CSMD1: variants seen among roughly 807,000 people sequenced by gnomAD.
CSMD1 encodes CUB and sushi domain-containing protein 1.
In CSMD1, 213 loss-of-function variants were observed where a neutral mutation model predicts 417.5. The observed-to-expected ratio is 0.51, with a 90% confidence interval of 0.46 to 0.57. The LOEUF is 0.57. CSMD1 is among the 20% of genes least tolerant of loss of function. The probability of loss-of-function intolerance (pLI) is 0.00; values close to 1 mark genes in which losing one functional copy is unlikely to be tolerated. For missense variants in CSMD1, 6,923 were observed against 4,529.7 expected (o/e 1.53, Z -15.17); for synonymous variants, 2,862 against 1,736.8 (o/e 1.65, Z -16.11).
chr8:4,168,573 T>C (rs551468032), intron 3 of CSMD1, among the ~76,000 whole-genome samples: 8 of 152,034 alleles, frequency 5.3e-5, no homozygotes, highest in Admixed American at 1.3e-4. Context: ...AGAAGGACAA[T>C]AGACGGGCTT....
intron 3 of CSMD1, among the ~76,000 whole-genome samples, chr8:4,223,546 G>C (rs531382067): frequency 2.0e-5 from 3 of 152,346 alleles, no homozygotes; most frequent in South Asian, 4.1e-4. Context: ...ACCACCAGGA[G>C]AGCTGGCCTG....
chr8:4,447,141 G>C (rs1050450819), intron 2 of CSMD1, among the ~76,000 whole-genome samples: 26 of 152,086 alleles, frequency 1.7e-4, no homozygotes, highest in African/African-American at 4.3e-4. Flanking sequence ...GAATGTTAAA[G>C]ACAAACAACA....
chr8:4,421,412 C>A (rs1797242539), intron 2 of CSMD1, among the ~76,000 whole-genome samples: 1 of 151,900 alleles, frequency 6.6e-6, no homozygotes, highest in Non-Finnish European at 1.5e-5. Flanking sequence ...GAACATATAC[C>A]AAGATAAACC....
intron 2 of CSMD1, among the ~76,000 whole-genome samples, chr8:4,558,002 G>C (rs1443613289): frequency 6.6e-6 from 1 of 152,036 alleles, no homozygotes; most frequent in South Asian, 2.1e-4. Context: ...AGCTGCCTTT[G>C]ACTGACCCAA....
At chr8:4,610,199 C>G (rs1478551496) in intron 2 of CSMD1, among the ~76,000 whole-genome samples, 3 of 152,088 alleles carry the variant, frequency 2.0e-5, no homozygotes, top group Non-Finnish European at 4.4e-5. Flanking sequence ...AGGATGTAAA[C>G]AAGACTTGGG....
intron 51 of CSMD1, 58 bp downstream of exon 51, chr8:3,029,261 G>A (rs939586529): frequency 3.5e-6 from 5 of 1,416,728 alleles, no homozygotes; most frequent in East Asian, 4.6e-5. Context: ...ACTGACATAA[G>A]CCATCTAGAA....
chr8:4,884,205 G>A (rs182225170), intron 1 of CSMD1, among the ~76,000 whole-genome samples: 13 of 147,366 alleles, frequency 8.8e-5, no homozygotes, highest in East Asian at 2.0e-4. Context: ...TAAGAACTTC[G>A]TGTGTGTGTG....
At position 3,367,252 on chromosome 8, in the gene CSMD1, G is replaced by A. The variant is rs138504271; in HGVS notation, c.2900-5C>T. 8 of 1,600,588 alleles carry A rather than the reference G, an allele frequency of 5.0e-6. No individual in the cohort carries two copies. The African/African-American group carries it at 6.7e-5, about 13-fold the overall frequency. ...TGTGAAAGATCATTTGAACTCCTGA[G>A]AAATGAAGCCGGGGGAGAGAGAGAG... On this transcript the variant is annotated splice_region_variant and splice_polypyrimidine_tract_variant and intron_variant, in intron 19 of 69. Transcript: ENST00000635120.
intron 3 of CSMD1, among the ~76,000 whole-genome samples, chr8:4,174,858 TA>T (rs1310190344): frequency 6.8e-6 from 1 of 148,052 alleles, no homozygotes; most frequent in Non-Finnish European, 1.5e-5. Context: ...AAATTTCAGA[TA>T]AAATATTGAT....
At chr8:3,448,620 G>C (rs113157815) in intron 12 of CSMD1, among the ~76,000 whole-genome samples, 5 of 152,104 alleles carry the variant, frequency 3.3e-5, no homozygotes, top group African/African-American at 9.7e-5. Flanking sequence ...GCCATGCAAA[G>C]GTGAGAGTGT....
chr8:4,559,658 T>G (rs980047522), intron 2 of CSMD1, among the ~76,000 whole-genome samples: 1 of 152,232 alleles, frequency 6.6e-6, no homozygotes, highest in Non-Finnish European at 1.5e-5. Context: ...TAATTCATAT[T>G]TATGTAACCT....
intron 3 of CSMD1, among the ~76,000 whole-genome samples, chr8:4,331,308 C>A (rs1546355): frequency 6.6e-6 from 1 of 152,118 alleles, no homozygotes; most frequent in East Asian, 2.0e-4. Flanking sequence ...TCATGCTGCA[C>A]GGTGGGTGCA....
intron 2 of CSMD1, among the ~76,000 whole-genome samples, chr8:4,519,361 G>A (rs567661511): frequency 6.6e-6 from 1 of 152,038 alleles, no homozygotes; most frequent in South Asian, 2.1e-4. Flanking sequence ...AAAAAGAAAA[G>A]AATCAAAATG....
intron 10 of CSMD1, among the ~76,000 whole-genome samples, chr8:3,550,475 G>A (rs994470783): frequency 6.6e-6 from 1 of 152,196 alleles, no homozygotes; most frequent in African/African-American, 2.4e-5. Context: ...TGGCGGCTGT[G>A]CATATCGATG....
chr8:3,191,922 T>A (rs1796448966), intron 33 of CSMD1, among the ~76,000 whole-genome samples: 1 of 152,210 alleles, frequency 6.6e-6, no homozygotes, highest in Non-Finnish European at 1.5e-5. Context: ...TTTAGCAGAA[T>A]GTTCTCGTAT....
At chr8:4,968,016 T>C (rs955761265) in intron 1 of CSMD1, among the ~76,000 whole-genome samples, 3 of 152,190 alleles carry the variant, frequency 2.0e-5, no homozygotes, top group East Asian at 3.8e-4. Flanking sequence ...TCATTTTATA[T>C]AATTGAATCT....
At chr8:4,372,631 TAAA>T (rs10606022) in intron 3 of CSMD1, among the ~76,000 whole-genome samples, 43,835 of 145,254 alleles carry the variant, frequency 0.3, 6,761 homozygotes, top group East Asian at 0.36. Flanking sequence ...AAGGAAGTGT[TAAA>T]AAAAAAAAAA....
intron 12 of CSMD1, among the ~76,000 whole-genome samples, chr8:3,411,539 T>C (rs79116179): frequency 6.6e-6 from 1 of 151,606 alleles, no homozygotes; most frequent in Non-Finnish European, 1.5e-5. Context: ...TGAGAACATA[T>C]GATGTTTGGC....
At chr8:3,587,351 C>A (rs1039394695) in intron 8 of CSMD1, among the ~76,000 whole-genome samples, 1 of 152,268 alleles carries the variant, frequency 6.6e-6, no homozygotes, top group Non-Finnish European at 1.5e-5. Flanking sequence ...CTCTGACAAG[C>A]GCATTGTTAC....
Sources: gnomAD v4.1 joint callset for allele counts (sites outside exome capture counted in the v4.1 genomes callset) on GRCh38, gnomAD v4.1.1 for gene constraint, MANE v1.5 for transcripts, NCBI Gene and HGNC (gene_info 2026-07-23, HGNC 2026-07-21) for gene names.